The following SPATA6L variants were observed in gnomAD, a reference collection of about 807,000 sequenced individuals.
SPATA6L encodes spermatogenesis associated 6 like, also known as spermatogenesis associated 6-like protein.
A neutral mutation model predicts 49.2 loss-of-function variants in SPATA6L; 68 were observed. The ratio of observed to expected loss-of-function variants is 1.38; its 90% CI spans 1.14 to 1.69. The LOEUF is 1.69. Ranked by LOEUF, SPATA6L falls within the 40% of genes most tolerant of loss-of-function variation. SPATA6L has a pLI of 0.00. For missense variants in SPATA6L, 668 were observed against 464.3 expected (o/e 1.44, Z -4.03); for synonymous variants, 198 against 165.7 (o/e 1.19, Z -1.50).
chr9:4,606,528 G>T, intron 9 of SPATA6L, among the ~76,000 whole-genome samples: 1 of 36,486 alleles, frequency 2.7e-5, no homozygotes, highest in South Asian at 8.3e-4. Flanking sequence ...GCACCCCCCA[G>T]CAGGGGCACA....
chr9:4,612,482 C>T (rs968725804), intron 9 of SPATA6L, among the ~76,000 whole-genome samples: 6 of 152,190 alleles, frequency 3.9e-5, no homozygotes, highest in African/African-American at 1.4e-4. Flanking sequence ...TAACTCCTAC[C>T]CACCCTTCAG....
At chr9:4,638,790 CTT>C (rs201206657) in intron 3 of SPATA6L, among the ~76,000 whole-genome samples, 34 of 120,296 alleles carry the variant, frequency 2.8e-4, no homozygotes, top group East Asian at 2.0e-3. Context: ...CTTTTCTTTT[CTT>C]TTTTTTTTTT....
At chr9:4,601,191 CCCT>C (rs1430068315) in intron 11 of SPATA6L, among the ~76,000 whole-genome samples, 3 of 152,058 alleles carry the variant, frequency 2.0e-5, no homozygotes, top group African/African-American at 7.2e-5. Context: ...TCCTTCCCTT[CCCT>C]CCTTCCTCCC....
Position 4,600,483 on chromosome 9 carries a change from C to CAGACAGAGAGAGAGAGAGAGAGAG in SPATA6L, c.*327_*328insCTCTCTCTCTCTCTCTCTCTGTCT, listed in dbSNP as rs1822947110. 2.6e-4 allele frequency: 5 copies of CAGACAGAGAGAGAGAGAGAGAGAG among 19,440 alleles called. No homozygotes were observed. The highest frequency in any genetic ancestry group is 8.3e-4 in the Non-Finnish European group (5 of 6,024). 1.2% of individuals were successfully genotyped at this position (19,440 alleles called of 1,614,324 possible). On this transcript the variant is annotated 3_prime_UTR_variant, in exon 12 of 12. Transcript: ENST00000682582. ...TTTGAGAGAGAGAGACAGAGAGAGC[C>CAGACAGAGAGAGAGAGAGAGAGAG]AGAGAGAGCCAGAGAGAGAGAGAGG...
intron 9 of SPATA6L, among the ~76,000 whole-genome samples, chr9:4,616,813 G>C (rs989692910): frequency 6.6e-6 from 1 of 152,164 alleles, no homozygotes; most frequent in Non-Finnish European, 1.5e-5. Context: ...TCAAACTCCA[G>C]ACCTCAGGTG....
chr9:4,662,653 A>T lies in SPATA6L; in HGVS notation c.40-617T>A. On this transcript the variant is annotated intron_variant, in intron 1 of 11. Transcript: ENST00000682582. The surrounding 1 kb of genome is among the most constrained non-coding windows in gnomAD (Gnocchi z 4.9). The stretch of plus-strand genomic sequence containing the variant: ...CCGCTGCCCGAGGAGGACCGCATGG[A>T]CTTGAACCCGTCCTTCCTGGGCATC... 6.3e-7 allele frequency: 1 copy of T among 1,599,602 alleles called. No individual in the cohort carries two copies. Among genetic ancestry groups the T allele is most frequent in the South Asian group, 1.1e-5 (1 of 91,048 alleles).
Position 4,605,485 on chromosome 9 carries a change from A to G in SPATA6L, c.996-45T>C, listed in dbSNP as rs375455912. The G allele has an allele frequency of 1.5e-5, 21 of 1,376,756 alleles. 1 individual carries two copies. The African/African-American group carries it at 2.0e-4, about 13-fold the overall frequency. 85.3% of individuals were successfully genotyped at this position (1,376,756 alleles called of 1,614,324 possible). On this transcript the variant is annotated intron_variant, in intron 9 of 11. Transcript: ENST00000682582. ...GGGTGGAATATTAAGCAGCTACTAA[A>G]AAGGACACTTAAAGCACATGACGGT...
intron 7 of SPATA6L, among the ~76,000 whole-genome samples, chr9:4,619,991 A>T (rs1375881608): frequency 1.3e-5 from 2 of 152,098 alleles, no homozygotes; most frequent in Non-Finnish European, 2.9e-5. Context: ...ATGACAAGGG[A>T]CTTTTTCTGG....
chr9:4,659,137 C>T (rs1382406018), intron 2 of SPATA6L, among the ~76,000 whole-genome samples: 1 of 152,144 alleles, frequency 6.6e-6, no homozygotes, highest in Non-Finnish European at 1.5e-5. Flanking sequence ...CCATTTATTT[C>T]TCTCCTCACT....
At chr9:4,593,012 T>C (rs1328668389) in intron 13 of SPATA6L, among the ~76,000 whole-genome samples, 2 of 152,218 alleles carry the variant, frequency 1.3e-5, no homozygotes, top group Non-Finnish European at 2.9e-5. Flanking sequence ...ACATGCATAG[T>C]CTCATGCATT....
chr9:4,660,677 C>T (rs1486738888), intron 2 of SPATA6L, among the ~76,000 whole-genome samples: 1 of 152,238 alleles, frequency 6.6e-6, no homozygotes, highest in Non-Finnish European at 1.5e-5. Flanking sequence ...CATCCCATTA[C>T]TGGGTATATA....
chr9:4,646,277 G>T, intron 3 of SPATA6L: 1 of 366,232 alleles, frequency 2.7e-6, no homozygotes, highest in Non-Finnish European at 4.8e-6. Flanking sequence ...TATGCTCCCT[G>T]CCATGAAACA....
At chr9:4,645,865 T>C (rs1447121437) in intron 3 of SPATA6L, among the ~76,000 whole-genome samples, 1 of 152,174 alleles carries the variant, frequency 6.6e-6, no homozygotes, top group East Asian at 1.9e-4. Context: ...TGCTAATAAA[T>C]ACAGAATTTC....
Position 4,592,860 on chromosome 9 carries a change from G to C in SPATA6L, c.*254+3575C>G, listed in dbSNP as rs967291989. On this transcript the variant is annotated intron_variant and NMD_transcript_variant, in intron 13 of 13. Transcript: ENST00000461761. ...GTTTATGGCATAGACTTTGGTGATGGTTTCACAACTCACCAAGTTGTACAT... is the reference window on the plus strand; with the variant it reads ...GTTTATGGCATAGACTTTGGTGATGCTTTCACAACTCACCAAGTTGTACAT... Among the ~76,000 whole-genome samples the C allele has an allele frequency of 1.9e-4, 29 of 152,138 alleles. 1 individual carries two copies. The highest frequency in any genetic ancestry group is 4.4e-5 in the Non-Finnish European group (3 of 68,032).
At chr9:4,644,361 A>C (rs1834806227) in intron 3 of SPATA6L, among the ~76,000 whole-genome samples, 1 of 151,620 alleles carries the variant, frequency 6.6e-6, no homozygotes, top group Non-Finnish European at 1.5e-5. Flanking sequence ...TATATAAAAA[A>C]TAAAATTAAA....
chr9:4,658,971 CT>C (rs1461874437), intron 2 of SPATA6L, among the ~76,000 whole-genome samples: 3 of 146,234 alleles, frequency 2.1e-5, no homozygotes, highest in Non-Finnish European at 4.5e-5. Flanking sequence ...AAAAAAAAGG[CT>C]TCTACAGAGC....
chr9:4,647,500 C>T (rs889444335), intron 3 of SPATA6L, among the ~76,000 whole-genome samples: 1 of 151,966 alleles, frequency 6.6e-6, no homozygotes, highest in African/African-American at 2.4e-5. Context: ...GCTGAGGCAG[C>T]AGAATTGCTT....
chr9:4,663,156 G>A (rs773274139), intron 1 of SPATA6L: 13 of 1,614,036 alleles, frequency 8.1e-6, no homozygotes, highest in Admixed American at 1.7e-5. Context: ...TGTCACCGAC[G>A]TAGCTTTTGG....
At chr9:4,624,533 G>C (rs1829982661) in intron 6 of SPATA6L, among the ~76,000 whole-genome samples, 1 of 152,114 alleles carries the variant, frequency 6.6e-6, no homozygotes, top group South Asian at 2.1e-4. Flanking sequence ...TTCGAGACCA[G>C]CCTGACCAAC....
Sources: gnomAD v4.1 joint callset for allele counts (sites outside exome capture counted in the v4.1 genomes callset) on GRCh38, gnomAD v4.1.1 for gene constraint, Gnocchi (gnomAD v3.1) non-coding constraint, MANE v1.5 for transcripts, NCBI Gene and HGNC (gene_info 2026-07-23, HGNC 2026-07-21) for gene names.